CFAP70: variants seen among roughly 807,000 people sequenced by gnomAD.
CFAP70 encodes cilia and flagella associated protein 70, also known as cilia- and flagella-associated protein 70.
CFAP70 carries 81 observed loss-of-function variants against 137.6 expected under a neutral mutation model. The ratio of observed to expected loss-of-function variants is 0.59; its 90% CI spans 0.49 to 0.71. CFAP70 has a LOEUF of 0.71. Ranked by LOEUF, CFAP70 falls within the 30% of genes least tolerant of loss-of-function variation. CFAP70 has a pLI of 0.00. For missense variants in CFAP70, 976 were observed against 1,226.7 expected (o/e 0.80, Z 3.05); for synonymous variants, 382 against 423.6 (o/e 0.90, Z 1.20).
intron 9 of CFAP70, among the ~76,000 whole-genome samples, chr10:73,319,229 C>G (rs940001463): frequency 1.3e-5 from 2 of 152,310 alleles, no homozygotes; most frequent in South Asian, 2.1e-4. Context: ...TGAGAAACCA[C>G]TGAAAGGATC....
At chr10:73,344,549 A>G (rs1035088911) in intron 5 of CFAP70, among the ~76,000 whole-genome samples, 7 of 152,310 alleles carry the variant, frequency 4.6e-5, no homozygotes, top group Admixed American at 4.6e-4. Flanking sequence ...TTGCTACACA[A>G]CTTTAGTGGG....
chr10:73,309,701 G>A (rs1198243960), intron 12 of CFAP70, among the ~76,000 whole-genome samples: 1 of 144,532 alleles, frequency 6.9e-6, no homozygotes, highest in Admixed American at 7.0e-5. Context: ...CTGTCTCTCA[G>A]GCCGGAGTGC....
intron 25 of CFAP70, among the ~76,000 whole-genome samples, chr10:73,260,023 G>A (rs1589241208): frequency 6.7e-6 from 1 of 150,004 alleles, no homozygotes; most frequent in Non-Finnish European, 1.5e-5. Context: ...GCAAGACCCT[G>A]TCTCAAAAAA....
chr10:73,357,999 G>A (rs1160159244), intron 1 of CFAP70, among the ~76,000 whole-genome samples: 1 of 152,178 alleles, frequency 6.6e-6, no homozygotes, highest in African/African-American at 2.4e-5. Flanking sequence ...TGTGCCCCTA[G>A]GCAAATGCCT....
At chr10:73,253,956 T>C in exon 27 of CFAP70, 1 of 1,588,428 alleles carries the variant, frequency 6.3e-7, no homozygotes, top group Non-Finnish European at 8.6e-7. Flanking sequence ...ATGCAGAAAA[T>C]TGTTCAGCTG....
intron 25 of CFAP70, among the ~76,000 whole-genome samples, chr10:73,259,437 A>G (rs2044899667): frequency 6.6e-6 from 1 of 151,944 alleles, no homozygotes; most frequent in Non-Finnish European, 1.5e-5. Flanking sequence ...GCATATTCCT[A>G]TATTGTTCCC....
At chr10:73,305,944 A>G (rs922907036) in intron 12 of CFAP70, among the ~76,000 whole-genome samples, 3 of 152,196 alleles carry the variant, frequency 2.0e-5, no homozygotes, top group African/African-American at 7.2e-5. Flanking sequence ...CAAAGAGAAA[A>G]AAGGAAAGCA....
intron 3 of CFAP70, among the ~76,000 whole-genome samples, chr10:73,351,109 A>ATATATATATG (rs1554929843): frequency 1.1e-5 from 1 of 92,874 alleles, no homozygotes; most frequent in Non-Finnish European, 1.9e-5. Flanking sequence ...ATATATATAT[A>ATATATATATG]TATGTATGTT....
chr10:73,279,123 C>G (rs1272566551), intron 19 of CFAP70: 1 of 152,118 alleles, frequency 6.6e-6, no homozygotes, highest in Non-Finnish European at 1.5e-5. Context: ...TAGCATGGCC[C>G]CTGCACAAGG....
At chr10:73,311,764 T>C in intron 11 of CFAP70, 70 bp downstream of exon 12, 1 of 1,218,094 alleles carries the variant, frequency 8.2e-7, no homozygotes, top group Non-Finnish European at 1.2e-6. Context: ...GCATTTTCCA[T>C]TGAAAATGCC....
In CFAP70 at chr10:73,275,652, T is replaced by C. The variant is rs2046667071; in HGVS notation, c.2521-54A>G. 19 of 1,421,740 alleles carry C rather than the reference T, an allele frequency of 1.3e-5. No homozygotes were observed. Among genetic ancestry groups the C allele is most frequent in the Non-Finnish European group, 1.7e-5 (18 of 1,073,290 alleles). 88.1% of individuals were successfully genotyped at this position (1,421,740 alleles called of 1,614,324 possible). ...ATATAAATGGCTGCATTGCGTCTTT[T>C]TCGGTTGAAGGATTCTGTCTCTGAT... On this transcript the variant is annotated intron_variant, in intron 21 of 26. Transcript: ENST00000310715. This position sits in a 1 kb window ranked among gnomAD's most constrained non-coding sequence, Gnocchi z 4.0.
In CFAP70 at chr10:73,304,117, C is replaced by T. The variant is rs2049181251; in HGVS notation, c.1257-4452G>A. ...TGTCATCCAGGCTGGAGTGCAATGGCATGATCTCAGCTCACTGCAACCTCC... is the reference window on the plus strand; with the variant it reads ...TGTCATCCAGGCTGGAGTGCAATGGTATGATCTCAGCTCACTGCAACCTCC... On this transcript the variant is annotated intron_variant, in intron 12 of 26. Transcript: ENST00000310715. Among the ~76,000 whole-genome samples, 3 of 151,940 alleles carry T rather than the reference C, an allele frequency of 2.0e-5. No individual in the cohort carries two copies. In the South Asian group the frequency reaches 6.2e-4, roughly 31 times the overall value.
chr10:73,348,084 G>A, intron 4 of CFAP70, 72 bp downstream of exon 5: 2 of 1,379,874 alleles, frequency 1.4e-6, no homozygotes, highest in Non-Finnish European at 2.1e-6. Flanking sequence ...CAACTGAATT[G>A]AACCTTAATA....
At chr10:73,290,574 T>TA (rs2048102940) in intron 19 of CFAP70, among the ~76,000 whole-genome samples, 1 of 152,094 alleles carries the variant, frequency 6.6e-6, no homozygotes, top group South Asian at 2.1e-4. Flanking sequence ...CTCAAACTGT[T>TA]AAAAAATGTA....
upstream of CFAP70, among the ~76,000 whole-genome samples, chr10:73,362,963 T>C (rs1230144681): frequency 9.8e-6 from 1 of 101,680 alleles, no homozygotes; most frequent in Non-Finnish European, 1.8e-5. Context: ...GTCCAGAGTA[T>C]ATAAGAAACT....
intron 19 of CFAP70, among the ~76,000 whole-genome samples, chr10:73,281,959 C>T (rs1229247455): frequency 2.6e-5 from 4 of 152,178 alleles, no homozygotes; most frequent in African/African-American, 9.7e-5. Context: ...TGTGGACATA[C>T]CGACGTGATT....
At chr10:73,309,666 T>TG (rs2049730546) in intron 12 of CFAP70, among the ~76,000 whole-genome samples, 1 of 151,420 alleles carries the variant, frequency 6.6e-6, no homozygotes, top group East Asian at 1.9e-4. Context: ...GAATTTTTTT[T>TG]TTTTTTTAGA....
At position 73,348,587 on chromosome 10, in the gene CFAP70, C is replaced by A; in HGVS notation, c.251-66G>T. On this transcript the variant is annotated intron_variant, in intron 3 of 26. Coordinates refer to ENST00000310715, the Ensembl canonical transcript of CFAP70. ...CATCTATCCGATAACCAAGCTGCAACAAACAAAGCATTGTCAAAGATATGT... is the reference window on the plus strand; with the variant it reads ...CATCTATCCGATAACCAAGCTGCAAAAAACAAAGCATTGTCAAAGATATGT... 4.8e-6 allele frequency: 5 copies of A among 1,037,582 alleles called. No homozygotes were observed. The East Asian group carries it at 9.7e-5, about 20-fold the overall frequency. The allele number at this position is 1,037,582 out of a possible 1,614,324, so 64.3% of individuals were successfully genotyped here.
At chr10:73,269,752 TG>T (rs764361456) in intron 24 of CFAP70, 37 bp from the exon 26 acceptor site, 2 of 1,328,354 alleles carry the variant, frequency 1.5e-6, no homozygotes, top group Non-Finnish European at 2.2e-6. Context: ...TTAGCTTAGC[TG>T]AAACCACTAT....
Sources: gnomAD v4.1 joint callset for allele counts (sites outside exome capture counted in the v4.1 genomes callset) on GRCh38, gnomAD v4.1.1 for gene constraint, Gnocchi (gnomAD v3.1) non-coding constraint, MANE v1.5 for transcripts, NCBI Gene and HGNC (gene_info 2026-07-23, HGNC 2026-07-21) for gene names.